SLC12A7: variants seen among roughly 807,000 people sequenced by gnomAD.
SLC12A7 encodes the protein K-Cl cotransporter 4.
SLC12A7 carries 100 observed loss-of-function variants against 120.6 expected under a neutral mutation model. That is an observed-to-expected ratio of 0.83 (90% CI 0.71 to 0.98). The LOEUF (loss-of-function observed/expected upper bound fraction) is 0.98, where lower values mean the gene tolerates loss of function less well. Among genes scored for constraint, SLC12A7 ranks in the 50% least tolerant of loss-of-function variants. The pLI, the probability that SLC12A7 is intolerant of heterozygous loss-of-function variation, is 0.00. For missense variants in SLC12A7, 1,373 were observed against 1,548.1 expected (o/e 0.89, Z 1.90); for synonymous variants, 760 against 678.0 (o/e 1.12, Z -1.88).
At chr5:1,112,066 G>C, upstream of SLC12A7, 3 of 1,197,778 alleles carry the variant, frequency 2.5e-6, no homozygotes, top group Non-Finnish European at 3.1e-6. Flanking sequence ...ACGGGACTTG[G>C]AGGCAGGGGC....
At chr5:1,128,737 G>T in the SLC12A7 span, among the ~76,000 whole-genome samples, 1 of 152,236 alleles carries the variant, frequency 6.6e-6, no homozygotes, top group Non-Finnish European at 1.5e-5. Flanking sequence ...ATGTATGTGT[G>T]CGTGTGTGTG....
intron 16 of SLC12A7, among the ~76,000 whole-genome samples, chr5:1,074,215 C>A (rs1036120271): frequency 6.6e-6 from 1 of 151,218 alleles, no homozygotes; most frequent in Non-Finnish European, 1.5e-5. Flanking sequence ...CCCGCCGAGG[C>A]CCCTGAGGGG....
intron 12 of SLC12A7, 78 bp downstream of exon 12, chr5:1,077,755 A>G: frequency 1.4e-6 from 2 of 1,395,236 alleles, no homozygotes; most frequent in Non-Finnish European, 1.9e-6. Flanking sequence ...CACACACGGC[A>G]CTGTGAGGAT....
At chr5:1,055,215 CAT>C (rs369888457) in intron 22 of SLC12A7, among the ~76,000 whole-genome samples, 15 of 152,334 alleles carry the variant, frequency 9.8e-5, no homozygotes, top group African/African-American at 2.9e-4. Context: ...CATACACTAT[CAT>C]GTACAAACAG....
the SLC12A7 span, among the ~76,000 whole-genome samples, chr5:1,127,373 A>G: frequency 2.6e-5 from 4 of 152,232 alleles, no homozygotes; most frequent in African/African-American, 9.6e-5. Context: ...GGCAAGGGCC[A>G]CAGAGATGGA....
intron 6 of SLC12A7, 104 bp from the exon 7 acceptor site, chr5:1,085,577 G>A: frequency 1.4e-6 from 2 of 1,438,264 alleles, no homozygotes; most frequent in South Asian, 1.4e-5. Context: ...CTCCCAACAG[G>A]TGCCGGGGCC....
chr5:1,115,743 C>A (rs1202934247), upstream of SLC12A7, among the ~76,000 whole-genome samples: 2 of 151,882 alleles, frequency 1.3e-5, no homozygotes, highest in Non-Finnish European at 2.9e-5. Flanking sequence ...CAGGGCCGGG[C>A]ACCCACCCAG....
Position 1,099,982 on chromosome 5 carries a change from G to A in SLC12A7, c.125-5734C>T, listed in dbSNP as rs150534477. Among the ~76,000 whole-genome samples, 25 of 152,280 alleles carry A rather than the reference G, an allele frequency of 1.6e-4. 1 individual carries two copies. Among genetic ancestry groups the A allele is most frequent in the South Asian group, 1.2e-3 (6 of 4,830 alleles). ...CGTTACTGTTATCACTGAAAAAAGCGACTCATAAGGCTTTAAAAGGAGGCT... is the reference window on the plus strand; with the variant it reads ...CGTTACTGTTATCACTGAAAAAAGCAACTCATAAGGCTTTAAAAGGAGGCT... On this transcript the variant is annotated intron_variant, in intron 1 of 23. Transcript: ENST00000264930.
rs1352002509 is a variant in SLC12A7 at position 1,081,638 on chromosome 5, C to G, written c.1236G>C (p.Val412=). The G allele has an allele frequency of 1.2e-6, 2 of 1,612,930 alleles. No homozygotes were observed. Among genetic ancestry groups the G allele is most frequent in the East Asian group, 2.2e-5 (1 of 44,848 alleles). ...TGAAGGAGGCCGCGATGTCGGTGAG[C>G]ACGTAGGGCAGTGCGCTGGCACGGC... is the stretch of plus-strand genomic sequence containing the variant. ...EESRASALPY[V]LTDIAASFTL... Residue 412 remains valine, a synonymous_variant, in exon 9 of 24, where the codon GTG becomes GTC. Coordinates refer to ENST00000264930, the MANE Select transcript of SLC12A7 (RefSeq NM_006598.3).
At chr5:1,126,513 G>A in the SLC12A7 span, among the ~76,000 whole-genome samples, 4 of 152,252 alleles carry the variant, frequency 2.6e-5, no homozygotes, top group South Asian at 8.3e-4. Flanking sequence ...AAGTTTCAGA[G>A]GTACATATTC....
the SLC12A7 span, among the ~76,000 whole-genome samples, chr5:1,140,664 T>G: frequency 0.035 from 5,300 of 152,238 alleles, 330 homozygotes; most frequent in African/African-American, 0.12. Context: ...TCTACTCCAG[T>G]GGGACAAGAA....
intron 1 of SLC12A7, among the ~76,000 whole-genome samples, chr5:1,096,303 G>A (rs947648575): frequency 1.3e-5 from 2 of 152,344 alleles, no homozygotes; most frequent in Middle Eastern, 3.4e-3. Flanking sequence ...AACATGGCAG[G>A]AGGTTGGCAT....
At chr5:1,131,850 G>A in the SLC12A7 span, among the ~76,000 whole-genome samples, 1 of 152,338 alleles carries the variant, frequency 6.6e-6, no homozygotes, top group South Asian at 2.1e-4. Flanking sequence ...TGCCTGCCAG[G>A]AGCAGCTTCC....
rs967930531 is a variant in SLC12A7, at chr5:1,078,978, G to A, written c.1397-220C>T. Among the ~76,000 whole-genome samples, 23 of 152,136 alleles carry A rather than the reference G, an allele frequency of 1.5e-4. 1 individual carries two copies. On this transcript the variant is annotated intron_variant, in intron 10 of 23. Coordinates refer to ENST00000264930, the MANE Select transcript of SLC12A7 (RefSeq NM_006598.3). ...GGGGCTCTGTCCAGCGCCACAGAAC[G>A]GGGCCCTGGGGTGGTGGACACACAC...
chr5:1,080,121 C>A (rs957957168), intron 9 of SLC12A7, among the ~76,000 whole-genome samples: 1 of 151,984 alleles, frequency 6.6e-6, no homozygotes, highest in Non-Finnish European at 1.5e-5. Context: ...TCCAGTGCCG[C>A]GGAGACACCC....
At chr5:1,125,247 T>C in the SLC12A7 span, among the ~76,000 whole-genome samples, 1 of 147,154 alleles carries the variant, frequency 6.8e-6, no homozygotes, top group Non-Finnish European at 1.5e-5. Context: ...GTGATCGGAA[T>C]GAGATAATGT....
chr5:1,141,187 T>C, the SLC12A7 span, among the ~76,000 whole-genome samples: 4 of 152,182 alleles, frequency 2.6e-5, no homozygotes, highest in Non-Finnish European at 5.9e-5. Flanking sequence ...TCTCCCTGTG[T>C]CTCTGTATCG....
chr5:1,137,269 C>A, the SLC12A7 span, among the ~76,000 whole-genome samples: 1 of 152,188 alleles, frequency 6.6e-6, no homozygotes, highest in African/African-American at 2.4e-5. Context: ...GATCCGGAGC[C>A]ACTTCCTGCG....
At chr5:1,104,290 C>A (rs1388300118) in intron 1 of SLC12A7, among the ~76,000 whole-genome samples, 1 of 152,206 alleles carries the variant, frequency 6.6e-6, no homozygotes, top group Non-Finnish European at 1.5e-5. Flanking sequence ...CTGGCTCCTG[C>A]CAAGGGAAAC....
Sources: gnomAD v4.1 joint callset for allele counts (sites outside exome capture counted in the v4.1 genomes callset) on GRCh38, gnomAD v4.1.1 for gene constraint, MANE v1.5 for transcripts, NCBI Gene and HGNC (gene_info 2026-07-23, HGNC 2026-07-21) for gene names.